The following NUDT4 variants were observed in gnomAD, a reference collection of about 807,000 sequenced individuals.
NUDT4 encodes nudix hydrolase 4.
Under a neutral mutation model 23.1 loss-of-function variants are expected in NUDT4, and 5 were observed. The ratio of observed to expected loss-of-function variants is 0.22; its 90% CI spans 0.11 to 0.46. The LOEUF is 0.46. Ranked by LOEUF, NUDT4 falls within the 20% of genes least tolerant of loss-of-function variation. NUDT4 has a pLI of 0.99. For synonymous variants in NUDT4, 50 were observed against 79.0 expected (o/e 0.63, Z 1.95); for missense variants, 96 against 211.6 (o/e 0.45, Z 3.39).
At chr12:93,396,366 A>C (rs575481631) in intron 3 of NUDT4, among the ~76,000 whole-genome samples, 12 of 152,320 alleles carry the variant, frequency 7.9e-5, no homozygotes, top group African/African-American at 2.9e-4. Flanking sequence ...AGGGAATTTG[A>C]ATGTGATAGG....
At position 93,406,470 on chromosome 12, in the gene NUDT4, G is replaced by GTATT. The variant is rs752696790; in HGVS notation, c.*7094_*7097dup. 2 of 151,892 alleles carry GTATT rather than the reference G, an allele frequency of 1.3e-5. No homozygotes were observed. Among genetic ancestry groups the GTATT allele is most frequent in the Non-Finnish European group, 2.9e-5 (2 of 67,970 alleles). The allele number at this position is 151,892 out of a possible 1,614,324, so 9.4% of individuals were successfully genotyped here. A position where few individuals can be genotyped will look rare whatever the true frequency, so the allele number is the denominator to read the frequency against. On this transcript the variant is annotated 3_prime_UTR_variant, in exon 5 of 5. Transcript: ENST00000415493. ...ACCTGTGACTTTTATCTGTTGGTTT[G>GTATT]TATTTAATCTTATTTTTAAGTGCTT...
chr12:93,390,466 G>C (rs544318595), intron 1 of NUDT4, among the ~76,000 whole-genome samples: 3 of 152,230 alleles, frequency 2.0e-5, no homozygotes, highest in African/African-American at 7.2e-5. Flanking sequence ...AAAATACAAA[G>C]GTTTTGAAAT....
intron 1 of NUDT4, among the ~76,000 whole-genome samples, chr12:93,386,682 CG>C (rs1876126551): frequency 6.6e-6 from 1 of 152,002 alleles, no homozygotes; most frequent in Non-Finnish European, 1.5e-5. Flanking sequence ...AGTAAAAACA[CG>C]GACTGCTCAG....
intron 3 of NUDT4, 74 bp from the exon 4 acceptor site, chr12:93,398,696 AT>A: frequency 6.9e-6 from 7 of 1,011,578 alleles, no homozygotes; most frequent in Non-Finnish European, 1.1e-5. Context: ...TGCCAGACTA[AT>A]TTTTTTCCCT....
chr12:93,383,037 G>A lies in NUDT4; in HGVS notation c.99+4616G>A, dbSNP rs550847607. ...CTCCAGCTCTCCCAGAAGGTTTCCC[G>A]TCATTAAACCAGGCATTAACGTAGA... On this transcript the variant is annotated intron_variant, in intron 1 of 4. Coordinates refer to ENST00000415493, the MANE Select transcript of NUDT4 (RefSeq NM_019094.6). Among the ~76,000 whole-genome samples the A allele has an allele frequency of 4.5e-4, 64 of 140,874 alleles. No individual in the cohort carries two copies. The South Asian group carries it at 6.1e-3, about 13-fold the overall frequency. 92.4% of individuals were successfully genotyped at this position (140,874 alleles called of 152,430 possible).
Position 93,395,367 on chromosome 12 carries a change from G to A in NUDT4, c.211-122G>A, listed in dbSNP as rs191656433. ...CTTCACAGAAGCAGGAAGATAGTGA[G>A]TTGGTATGGGGAGGGGTATTGTATT... On this transcript the variant is annotated intron_variant, in intron 2 of 4. Coordinates refer to ENST00000415493, the MANE Select transcript of NUDT4 (RefSeq NM_019094.6). 6 of 713,704 alleles carry A rather than the reference G, an allele frequency of 8.4e-6. No individual in the cohort carries two copies. The East Asian group carries it at 1.4e-4, about 16-fold the overall frequency. The allele number at this position is 713,704 out of a possible 1,614,324, so 44.2% of individuals were successfully genotyped here.
At chr12:93,394,472 C>G in intron 1 of NUDT4, 137 bp from the exon 2 acceptor site, 1 of 497,224 alleles carries the variant, frequency 2.0e-6, no homozygotes, top group Non-Finnish European at 3.6e-6. Context: ...TGGTGTAATG[C>G]GTACCCCCTA....
chr12:93,384,909 A>G (rs889276922), intron 1 of NUDT4, among the ~76,000 whole-genome samples: 2 of 152,200 alleles, frequency 1.3e-5, no homozygotes, highest in Non-Finnish European at 2.9e-5. Flanking sequence ...GGCACATGCC[A>G]TCACGCCTGG....
Position 93,400,175 on chromosome 12 carries a change from C to T in NUDT4, c.*796C>T, listed in dbSNP as rs1259868043. 6.6e-6 allele frequency: 1 copy of T among 151,840 alleles called. No homozygotes were observed. Among genetic ancestry groups the T allele is most frequent in the Admixed American group, 6.6e-5 (1 of 15,246 alleles). 9.4% of individuals were successfully genotyped at this position (151,840 alleles called of 1,614,324 possible). On this transcript the variant is annotated 3_prime_UTR_variant, in exon 5 of 5. Transcript: ENST00000415493. ...ATGCTCAGTTGCCAGTTCCCATTAT[C>T]GATACTCTTTCTTTGCAGAATACCT... is the stretch of plus-strand genomic sequence containing the variant.
intron 1 of NUDT4, among the ~76,000 whole-genome samples, chr12:93,393,430 T>A (rs991110056): frequency 2.0e-5 from 3 of 152,066 alleles, no homozygotes; most frequent in African/African-American, 7.2e-5. Flanking sequence ...CTATTCTTGG[T>A]AAGGGGTCCA....
At chr12:93,388,915 C>A (rs1224205784) in intron 1 of NUDT4, among the ~76,000 whole-genome samples, 2 of 152,226 alleles carry the variant, frequency 1.3e-5, no homozygotes, top group Non-Finnish European at 2.9e-5. Context: ...TGTAGACCCT[C>A]AAAAGCATGA....
intron 1 of NUDT4, among the ~76,000 whole-genome samples, chr12:93,383,074 A>AT (rs367746876): frequency 0.085 from 12,308 of 144,308 alleles, 590 homozygotes; most frequent in Admixed American, 0.14. Context: ...TTTGCATTGG[A>AT]TTTTTTTTTT....
Position 93,404,023 on chromosome 12 carries a change from T to C in NUDT4, c.*4644T>C, listed in dbSNP as rs1041296838. 1 of 152,242 alleles carries C rather than the reference T, an allele frequency of 6.6e-6. No homozygotes were observed. The highest frequency in any genetic ancestry group is 2.4e-5 in the African/African-American group (1 of 41,454). 9.4% of individuals were successfully genotyped at this position (152,242 alleles called of 1,614,324 possible). A position where few individuals can be genotyped will look rare whatever the true frequency, so the allele number is the denominator to read the frequency against. On this transcript the variant is annotated 3_prime_UTR_variant, in exon 5 of 5. Transcript: ENST00000415493. Reference sequence around the variant, plus strand: ...ACTCTTAATGCATTTTTGTAACATTTGACAAACATCTCCCAATATGTAGAC... The same window carrying C: ...ACTCTTAATGCATTTTTGTAACATTCGACAAACATCTCCCAATATGTAGAC...
chr12:93,383,812 A>G (rs1875867993), intron 1 of NUDT4, among the ~76,000 whole-genome samples: 1 of 152,196 alleles, frequency 6.6e-6, no homozygotes, highest in African/African-American at 2.4e-5. Context: ...AGCCTGGGCG[A>G]CAGAGCGAGA....
At chr12:93,392,636 G>A (rs55834038) in intron 1 of NUDT4, among the ~76,000 whole-genome samples, 2 of 124,530 alleles carry the variant, frequency 1.6e-5, no homozygotes, top group African/African-American at 6.2e-5. Flanking sequence ...AGGTAATAGG[G>A]TATTTTTGTA....
At position 93,405,228 on chromosome 12, in the gene NUDT4, T is replaced by TA. The variant is rs1425107128; in HGVS notation, c.*5850dup. On this transcript the variant is annotated 3_prime_UTR_variant, in exon 5 of 5. Transcript: ENST00000415493. ...CTTAAGCCAGGAGACTTTGTAAACT[T>TA]ACTAGGTTATAATAAAACTTAAGAA... 6.6e-6 allele frequency: 1 copy of TA among 152,168 alleles called. No individual in the cohort carries two copies. The highest frequency in any genetic ancestry group is 1.5e-5 in the Non-Finnish European group (1 of 68,020). The allele number at this position is 152,168 out of a possible 1,614,324, so 9.4% of individuals were successfully genotyped here. A position where few individuals can be genotyped will look rare whatever the true frequency, so the allele number is the denominator to read the frequency against.
At chr12:93,395,608 C>A (rs2120953592) in intron 3 of NUDT4, 75 bp downstream of exon 3, 1 of 1,158,534 alleles carries the variant, frequency 8.6e-7, no homozygotes, top group Non-Finnish European at 1.3e-6. Flanking sequence ...AATAATGTGG[C>A]AGCAGCCTGA....
intron 1 of NUDT4, 153 bp downstream of exon 1, chr12:93,378,574 C>T (rs1875383122): frequency 4.6e-6 from 6 of 1,300,958 alleles, no homozygotes; most frequent in Admixed American, 3.8e-5. Context: ...TCCTTTCCTC[C>T]CTCACTTCTT....
In NUDT4 at chr12:93,403,389, G is replaced by A. The variant is rs1877611673; in HGVS notation, c.*4010G>A. On this transcript the variant is annotated 3_prime_UTR_variant, in exon 5 of 5. Transcript: ENST00000415493. ...GCTGGAGTGCAGTGGTGCAATCTCA[G>A]CTTACTGTAACCTCCGCCTGCCAGG... 1 of 152,204 alleles carries A rather than the reference G, an allele frequency of 6.6e-6. No homozygotes were observed. Among genetic ancestry groups the A allele is most frequent in the African/African-American group, 2.4e-5 (1 of 41,420 alleles). The allele number at this position is 152,204 out of a possible 1,614,324, so 9.4% of individuals were successfully genotyped here.
Sources: allele counts gnomAD v4.1 joint callset (sites outside exome capture counted in the v4.1 genomes callset), GRCh38; gene constraint gnomAD v4.1.1; transcripts MANE v1.5; gene names NCBI Gene and HGNC (gene_info 2026-07-23, HGNC 2026-07-21).